Variants in TBX19 observed in about 807,000 individuals in gnomAD.
TBX19 encodes the protein T-box transcription factor TBX19.
A neutral mutation model predicts 40.9 loss-of-function variants in TBX19; 33 were observed. The observed-to-expected ratio is 0.81, with a 90% CI of 0.61 to 1.08. TBX19 has a LOEUF of 1.08. Ranked by LOEUF, TBX19 falls within the 50% of genes least tolerant of loss-of-function variation. The pLI is 0.00. For synonymous variants in TBX19, 220 were observed against 225.0 expected, an observed-to-expected ratio of 0.98 and a Z score of 0.20; for missense variants, 494 against 574.0, an observed-to-expected ratio of 0.86 and a Z score of 1.42.
Position 168,313,418 on chromosome 1 carries a change from T to C in TBX19, c.*416T>C, listed in dbSNP as rs1054628713. On this transcript the variant is annotated 3_prime_UTR_variant, in exon 8 of 8. Coordinates refer to ENST00000367821, the MANE Select transcript of TBX19 (RefSeq NM_005149.3). ...CCTGCTTTGTGAAGCCTGGAAAGTATGTGTGGCCACAGGGCTCAGGTTCAC... is the reference window on the plus strand; with the variant it reads ...CCTGCTTTGTGAAGCCTGGAAAGTACGTGTGGCCACAGGGCTCAGGTTCAC... The C allele has an allele frequency of 7.2e-6, 2 of 278,410 alleles. No individual in the cohort carries two copies. Among genetic ancestry groups the C allele is most frequent in the African/African-American group, 4.4e-5 (2 of 45,274 alleles). The allele number at this position is 278,410 out of a possible 1,614,324, so 17.2% of individuals were successfully genotyped here.
intron 3 of TBX19, among the ~76,000 whole-genome samples, chr1:168,296,468 G>C (rs1240405877): frequency 6.6e-6 from 1 of 152,102 alleles, no homozygotes; most frequent in Non-Finnish European, 1.5e-5. Context: ...AAGAGAATGA[G>C]AGCCAAGAGA....
chr1:168,283,801 T>G (rs909732201), intron 1 of TBX19, among the ~76,000 whole-genome samples: 1 of 152,192 alleles, frequency 6.6e-6, no homozygotes, highest in Admixed American at 6.5e-5. Flanking sequence ...TTCATTGACA[T>G]TGTCACCTTG....
At chr1:168,293,965 A>G (rs1572476560) in intron 3 of TBX19, among the ~76,000 whole-genome samples, 1 of 152,344 alleles carries the variant, frequency 6.6e-6, no homozygotes, top group East Asian at 1.9e-4. Flanking sequence ...CTGACAGTAC[A>G]GAAGTATATA....
intron 7 of TBX19, among the ~76,000 whole-genome samples, chr1:168,310,297 C>CAA (rs35774547): frequency 8.2e-6 from 1 of 121,248 alleles, no homozygotes. Context: ...ACTCTGCCTC[C>CAA]AAAAAAAAAA....
rs868273510 is a variant in TBX19 at position 168,291,161 on chromosome 1, C to A, written c.205C>A (p.Arg69=). The change falls in exon 2 of 8, where the codon CGG becomes AGG. Residue 69 remains arginine, a splice_region_variant and synonymous_variant. Coordinates refer to ENST00000367821, the MANE Select transcript of TBX19 (RefSeq NM_005149.3). The part of the protein sequence containing the change: ...NEMIVTKNGR[R]MFPVLKISVT... ...CTAAGTTTCTGCCTTTCCTTTTAGACGGATGTTTCCAGTCCTAAAGATTAG... is the reference window on the plus strand; with the variant it reads ...CTAAGTTTCTGCCTTTCCTTTTAGAAGGATGTTTCCAGTCCTAAAGATTAG... 11 of 1,614,016 alleles carry A rather than the reference C, an allele frequency of 6.8e-6. No individual in the cohort carries two copies. The highest frequency in any genetic ancestry group is 9.3e-6 in the Non-Finnish European group (11 of 1,180,016).
At chr1:168,293,306 TG>T in intron 3 of TBX19, 28 bp downstream of exon 3, 1 of 1,572,186 alleles carries the variant, frequency 6.4e-7, no homozygotes, top group East Asian at 2.3e-5. Context: ...TGTGTGTGTG[TG>T]TGTGTGTGTG....
chr1:168,287,413 C>T (rs1269800921), intron 1 of TBX19, among the ~76,000 whole-genome samples: 1 of 152,166 alleles, frequency 6.6e-6, no homozygotes, highest in Non-Finnish European at 1.5e-5. Flanking sequence ...CTTTAGTCTC[C>T]TTCTGTGACA....
rs376338008 is a variant in TBX19 at position 168,291,217 on chromosome 1, C to T, written c.261C>T (p.Tyr87=). 8 of 1,614,236 alleles carry T rather than the reference C, an allele frequency of 5.0e-6. No individual in the cohort carries two copies. The highest frequency in any genetic ancestry group is 2.2e-5 in the East Asian group (1 of 44,884). ...SVTGLDPNAM[Y]SLLLDFVPTD... is the part of the protein sequence containing the mutation. ...CAGGGTTGGACCCCAATGCCATGTA[C>T]TCCCTCCTGCTGGACTTTGTCCCTA... Residue 87 remains tyrosine (Y), a synonymous_variant, in exon 2 of 8, where the codon TAC becomes TAT. Coordinates refer to ENST00000367821, the MANE Select transcript of TBX19 (RefSeq NM_005149.3).
intron 1 of TBX19, among the ~76,000 whole-genome samples, chr1:168,287,857 A>T (rs1187837013): frequency 6.6e-6 from 1 of 151,894 alleles, no homozygotes; most frequent in African/African-American, 2.4e-5. Flanking sequence ...TGGCTCAACC[A>T]TGTTAGCTTT....
Position 168,312,948 on chromosome 1 carries a change from C to T in TBX19, c.1293C>T (p.Gly431=). ...CAGTGGCCTCGCATCCCTTCGCGGG[C>T]TGGGGTGGCCCAGGAGCGGGTGGGC... The part of the protein sequence containing the change: ...WTAVASHPFA[G]WGGPGAGGHH... The change falls in exon 8 of 8, where the codon GGC becomes GGT. Residue 431 remains glycine (G), a synonymous_variant. Transcript: ENST00000367821. 1 of 1,614,230 alleles carries T rather than the reference C, an allele frequency of 6.2e-7. No homozygotes were observed. The highest frequency in any genetic ancestry group is 8.5e-7 in the Non-Finnish European group (1 of 1,180,038).
chr1:168,308,967 G>T, intron 7 of TBX19, 90 bp downstream of exon 7: 1 of 1,583,976 alleles, frequency 6.3e-7, no homozygotes, highest in Non-Finnish European at 8.7e-7. Flanking sequence ...TCCTAGGGTG[G>T]CTTGGTCTAA....
chr1:168,312,740 G>C lies in TBX19; in HGVS notation c.1085G>C (p.Gly362Ala). 6.2e-7 allele frequency: 1 copy of C among 1,613,932 alleles called. No homozygotes were observed. The highest frequency in any genetic ancestry group is 8.5e-7 in the Non-Finnish European group (1 of 1,180,036). The part of the protein sequence containing the change: ...PYPCLWTISN[G>A]AGGPSGPGPE... ...CCGTGCCTGTGGACCATCAGCAATG[G>C]TGCCGGAGGCCCCAGTGGGCCAGGC... The change falls in exon 8 of 8, where the codon GGT becomes GCT. Residue 362 changes from glycine (G) to alanine (A), a missense_variant. Gly to Ala is a moderately conservative substitution (Grantham distance 60). Transcript: ENST00000367821.
intron 3 of TBX19, among the ~76,000 whole-genome samples, chr1:168,294,596 G>A (rs1649054695): frequency 6.6e-6 from 1 of 152,058 alleles, no homozygotes; most frequent in Admixed American, 6.6e-5. Context: ...CTGCCTCTGA[G>A]ATTCAAGTGA....
At chr1:168,312,177 C>T (rs1313504816) in intron 7 of TBX19, among the ~76,000 whole-genome samples, 1 of 152,190 alleles carries the variant, frequency 6.6e-6, no homozygotes, top group Non-Finnish European at 1.5e-5. Flanking sequence ...GTAGCAATCT[C>T]TGTAAGGTAG....
chr1:168,312,139 G>T (rs755019651), intron 7 of TBX19, among the ~76,000 whole-genome samples: 12 of 152,172 alleles, frequency 7.9e-5, no homozygotes, highest in Non-Finnish European at 1.6e-4. Context: ...ACATGCTAAG[G>T]ACCATATACT....
At chr1:168,301,293 C>T (rs35284656) in intron 5 of TBX19, among the ~76,000 whole-genome samples, 8,653 of 151,640 alleles carry the variant, frequency 0.057, 273 homozygotes, top group East Asian at 0.12. Flanking sequence ...GATGGAGTCT[C>T]GCTCTGTTGC....
In TBX19 at chr1:168,293,261, G is replaced by C; in HGVS notation, c.586G>C (p.Ala196Pro). Residue 196 changes from alanine (A) to proline (P), a missense_variant, in exon 3 of 8, where the codon GCC (alanine) becomes CCC (proline). This residue lies in a region of TBX19 where 9 missense variants were observed against 31.5 expected (regional missense o/e 0.29). Coordinates refer to ENST00000367821, the MANE Select transcript of TBX19 (RefSeq NM_005149.3). ...TGAAACCCAGTTCATAGCCGTGACT[G>C]CCTATCAGAATGAGGAGGTAAGAGT... The part of the protein sequence containing the change: ...FPETQFIAVT[A>P]YQNEEITALK... 6.2e-7 allele frequency: 1 copy of C among 1,609,252 alleles called. No homozygotes were observed. Among genetic ancestry groups the C allele is most frequent in the South Asian group, 1.1e-5 (1 of 90,842 alleles).
At chr1:168,302,595 A>G (rs1165281446) in intron 5 of TBX19, among the ~76,000 whole-genome samples, 1 of 152,140 alleles carries the variant, frequency 6.6e-6, no homozygotes, top group Non-Finnish European at 1.5e-5. Context: ...TCTTTCTACA[A>G]AACATTTTGC....
chr1:168,296,593 C>G (rs1558191996), intron 3 of TBX19, among the ~76,000 whole-genome samples: 1 of 152,118 alleles, frequency 6.6e-6, no homozygotes, highest in Admixed American at 6.5e-5. Flanking sequence ...GACCGTCCCA[C>G]AACACGTGGG....
Sources: allele counts gnomAD v4.1 joint callset (sites outside exome capture counted in the v4.1 genomes callset), GRCh38; gene constraint gnomAD v4.1.1; regional missense constraint gnomAD v4.1.1; transcripts MANE v1.5; gene names NCBI Gene and HGNC (gene_info 2026-07-23, HGNC 2026-07-21).